Variants in CBLB observed in about 807,000 individuals in gnomAD.
CBLB encodes Cbl proto-oncogene B.
A neutral mutation model predicts 104.9 loss-of-function variants in CBLB; 31 were observed. That is an observed-to-expected ratio of 0.30 (90% CI 0.22 to 0.40). The LOEUF is 0.40. Among genes scored for constraint, CBLB ranks in the 10% least tolerant of loss-of-function variants. The pLI is 1.00. For missense variants in CBLB, 1,062 were observed against 1,214.6 expected (o/e 0.87, Z 1.87); for synonymous variants, 440 against 422.6 (o/e 1.04, Z -0.51).
chr3:105,704,870 A>G (rs945133892), intron 10 of CBLB, among the ~76,000 whole-genome samples: 1 of 152,158 alleles, frequency 6.6e-6, no homozygotes, highest in Non-Finnish European at 1.5e-5. Flanking sequence ...AAAGCCAGTA[A>G]GTATTTCAAT....
chr3:105,799,821 G>C (rs556775795), intron 3 of CBLB, among the ~76,000 whole-genome samples: 2 of 152,160 alleles, frequency 1.3e-5, no homozygotes, highest in African/African-American at 4.8e-5. Flanking sequence ...ATGTGGACAA[G>C]TTATAGGATA....
At chr3:105,833,633 G>A (rs1046319654) in intron 3 of CBLB, among the ~76,000 whole-genome samples, 1 of 151,780 alleles carries the variant, frequency 6.6e-6, no homozygotes, top group Non-Finnish European at 1.5e-5. Flanking sequence ...TTTAATTCTG[G>A]TTTGAAAAGA....
At chr3:105,826,055 G>A (rs955146482) in intron 3 of CBLB, among the ~76,000 whole-genome samples, 10 of 151,330 alleles carry the variant, frequency 6.6e-5, no homozygotes, top group South Asian at 4.2e-4. Context: ...GAAATTTAAC[G>A]TCAAGCACAC....
At chr3:105,749,651 A>G (rs1169568789) in intron 5 of CBLB, 1 of 185,832 alleles carries the variant, frequency 5.4e-6, no homozygotes, top group Non-Finnish European at 1.2e-5. Context: ...GGTTTAATGT[A>G]GGAAGATTAC....
intron 3 of CBLB, among the ~76,000 whole-genome samples, chr3:105,831,130 A>T (rs928195950): frequency 6.6e-6 from 1 of 152,198 alleles, no homozygotes; most frequent in African/African-American, 2.4e-5. Flanking sequence ...ATGGTTGAAA[A>T]ATCAGAAGAG....
intron 3 of CBLB, among the ~76,000 whole-genome samples, chr3:105,807,384 T>C (rs1239119588): frequency 6.6e-6 from 1 of 152,184 alleles, no homozygotes; most frequent in Non-Finnish European, 1.5e-5. Context: ...TGTCCAGACC[T>C]CGTAGGTAGA....
intron 3 of CBLB, among the ~76,000 whole-genome samples, chr3:105,795,812 C>T (rs368031281): frequency 1.3e-5 from 2 of 152,042 alleles, no homozygotes; most frequent in Non-Finnish European, 2.9e-5. Context: ...GGCGCCATCT[C>T]GGCTCACTGC....
intron 13 of CBLB, among the ~76,000 whole-genome samples, chr3:105,687,015 G>C (rs1241641747): frequency 1.3e-5 from 2 of 152,096 alleles, no homozygotes; most frequent in African/African-American, 2.4e-5. Context: ...GGAACTGGGA[G>C]AGACTTATAA....
intron 1 of CBLB, 116 bp from the exon 2 acceptor site, chr3:105,867,707 C>T (rs1578040569): frequency 2.4e-6 from 2 of 831,588 alleles, no homozygotes; most frequent in Non-Finnish European, 3.9e-6. Context: ...TAGAGCAAAA[C>T]CAAAAGTTCC....
chr3:105,695,179 T>C (rs2068196472), intron 12 of CBLB, among the ~76,000 whole-genome samples: 1 of 151,826 alleles, frequency 6.6e-6, no homozygotes, highest in Non-Finnish European at 1.5e-5. Context: ...TTATATGCAA[T>C]AGTTTGTTAT....
intron 9 of CBLB, among the ~76,000 whole-genome samples, chr3:105,722,214 A>AAAAG (rs1553744288): frequency 5.0e-4 from 75 of 150,544 alleles, no homozygotes; most frequent in Non-Finnish European, 9.6e-4. Flanking sequence ...AAAAAAAAAA[A>AAAAG]AAAAGAAAAG....
intron 2 of CBLB, among the ~76,000 whole-genome samples, chr3:105,856,499 C>T (rs78036444): frequency 6.6e-6 from 1 of 152,016 alleles, no homozygotes; most frequent in Admixed American, 6.5e-5. Context: ...TAACCCAGGG[C>T]ATGATCTTAT....
intron 18 of CBLB, among the ~76,000 whole-genome samples, chr3:105,662,219 T>C (rs1178021817): frequency 2.0e-5 from 3 of 152,208 alleles, no homozygotes; most frequent in Admixed American, 6.5e-5. Context: ...ACTTTTCTTT[T>C]TCACAGTACC....
In CBLB at chr3:105,773,747, C is replaced by G. The variant is rs528988923; in HGVS notation, c.566+2649G>C. Among the ~76,000 whole-genome samples the G allele has an allele frequency of 5.9e-5, 9 of 152,288 alleles. No homozygotes were observed. The East Asian group carries it at 1.7e-3, about 29-fold the overall frequency. ...TAGACACATTTATTCAATAATGTCACTTTTCTTTTCCTACAGATTTCTAAC... is the reference window on the plus strand; with the variant it reads ...TAGACACATTTATTCAATAATGTCAGTTTTCTTTTCCTACAGATTTCTAAC... On this transcript the variant is annotated intron_variant, in intron 4 of 18. Coordinates refer to ENST00000394030, the MANE Select transcript of CBLB (RefSeq NM_170662.5).
At chr3:105,774,815 A>G (rs1313675634) in intron 4 of CBLB, among the ~76,000 whole-genome samples, 1 of 152,228 alleles carries the variant, frequency 6.6e-6, no homozygotes, top group Non-Finnish European at 1.5e-5. Context: ...AAACAATTTT[A>G]TAACTCATCA....
chr3:105,713,045 G>C (rs1248061172), intron 10 of CBLB, among the ~76,000 whole-genome samples: 1 of 152,090 alleles, frequency 6.6e-6, no homozygotes, highest in African/African-American at 2.4e-5. Flanking sequence ...CGAAGTGGAA[G>C]GATAACTTGA....
At chr3:105,770,157 T>A (rs1040051127) in intron 4 of CBLB, among the ~76,000 whole-genome samples, 1 of 151,784 alleles carries the variant, frequency 6.6e-6, no homozygotes, top group South Asian at 2.1e-4. Flanking sequence ...GACAGAATAA[T>A]GTGCAGAGAT....
intron 9 of CBLB, among the ~76,000 whole-genome samples, chr3:105,722,854 T>C (rs930436631): frequency 2.0e-5 from 3 of 152,220 alleles, no homozygotes; most frequent in South Asian, 4.1e-4. Flanking sequence ...CATCTAAAAC[T>C]GAATTTAGAT....
intron 3 of CBLB, among the ~76,000 whole-genome samples, chr3:105,836,849 G>A (rs2088596255): frequency 6.6e-6 from 1 of 151,928 alleles, no homozygotes. Context: ...TCAAGTCTAA[G>A]TCTGCATGGT....
Sources: gnomAD v4.1 joint callset for allele counts (sites outside exome capture counted in the v4.1 genomes callset) on GRCh38, gnomAD v4.1.1 for gene constraint, MANE v1.5 for transcripts, NCBI Gene and HGNC (gene_info 2026-07-23, HGNC 2026-07-21) for gene names.